Variants in DPP10 observed in about 807,000 individuals in gnomAD.
DPP10 encodes inactive dipeptidyl peptidase 10.
A neutral mutation model predicts 120.9 loss-of-function variants in DPP10; 33 were observed. That is an observed-to-expected ratio of 0.27 (90% CI 0.21 to 0.37). The LOEUF is 0.37. DPP10 is among the 10% of genes least tolerant of loss of function. DPP10 has a pLI of 1.00. For synonymous variants in DPP10, 337 were observed against 326.1 expected, an observed-to-expected ratio of 1.03 and a Z score of -0.36; for missense variants, 816 against 942.8, an observed-to-expected ratio of 0.87 and a Z score of 1.76.
At chr2:115,166,647 A>G (rs1573863105) in intron 1 of DPP10, among the ~76,000 whole-genome samples, 1 of 142,700 alleles carries the variant, frequency 7.0e-6, no homozygotes. Flanking sequence ...ATCTTCTAAT[A>G]TATCTATATA....
chr2:114,920,087 G>A (rs185529735), intron 1 of DPP10, among the ~76,000 whole-genome samples: 1 of 152,128 alleles, frequency 6.6e-6, no homozygotes, highest in East Asian at 1.9e-4. Flanking sequence ...CCACATTCAG[G>A]GAGTTTTGAG....
At chr2:115,226,390 C>T (rs151174245) in intron 1 of DPP10, among the ~76,000 whole-genome samples, 44 of 152,208 alleles carry the variant, frequency 2.9e-4, no homozygotes, top group Non-Finnish European at 4.3e-4. Context: ...GAAAAAGAAG[C>T]GATAAGATCT....
chr2:115,382,613 A>G (rs891206811), intron 3 of DPP10, among the ~76,000 whole-genome samples: 4 of 152,106 alleles, frequency 2.6e-5, no homozygotes, highest in Non-Finnish European at 2.9e-5. Flanking sequence ...TGTCTAGCTA[A>G]GAAAATAGGT....
intron 1 of DPP10, among the ~76,000 whole-genome samples, chr2:115,022,748 C>G (rs905505276): frequency 6.6e-6 from 1 of 152,134 alleles, no homozygotes; most frequent in East Asian, 1.9e-4. Flanking sequence ...TGACTTCAAA[C>G]TATACTATAA....
chr2:115,550,047 C>A (rs2079779304), intron 5 of DPP10, among the ~76,000 whole-genome samples: 1 of 152,056 alleles, frequency 6.6e-6, no homozygotes. Context: ...GAATTAATTC[C>A]ACTCAAATCA....
At chr2:115,586,327 G>A (rs1041541946) in intron 5 of DPP10, among the ~76,000 whole-genome samples, 6 of 151,892 alleles carry the variant, frequency 4.0e-5, no homozygotes, top group South Asian at 2.1e-4. Flanking sequence ...ACTCTATCTC[G>A]ATAATAATAA....
Position 115,481,922 on chromosome 2 carries a change from A to G in DPP10, c.272-17588A>G, listed in dbSNP as rs190294235. On this transcript the variant is annotated intron_variant, in intron 3 of 25. Coordinates refer to ENST00000410059, the MANE Select transcript of DPP10 (RefSeq NM_020868.6). The stretch of plus-strand genomic sequence containing the variant: ...TAGAGGTAAGGATGAGAATATTCAA[A>G]TTAAATGAGAAGGATTACACATAGC... 3.5e-3 allele frequency among the ~76,000 whole-genome samples: 530 copies of G among 152,248 alleles called. 2 individuals carry two copies. Among genetic ancestry groups the G allele is most frequent in the Admixed American group, 7.9e-3 (121 of 15,268 alleles).
intron 5 of DPP10, among the ~76,000 whole-genome samples, chr2:115,565,768 T>TG (rs796152306): frequency 8.3e-4 from 61 of 73,810 alleles, no homozygotes; most frequent in African/African-American, 1.5e-3. Flanking sequence ...TTGTTTGTTT[T>TG]GTTTTTTTTT....
chr2:114,728,407 A>G (rs1676557918), intron 1 of DPP10, among the ~76,000 whole-genome samples: 2 of 152,170 alleles, frequency 1.3e-5, no homozygotes, highest in Admixed American at 6.5e-5. Context: ...ACCCTGGGAA[A>G]CTGACATTAT....
intron 5 of DPP10, among the ~76,000 whole-genome samples, chr2:115,552,021 T>C (rs2079906514): frequency 6.6e-6 from 1 of 152,130 alleles, no homozygotes; most frequent in African/African-American, 2.4e-5. Context: ...GTAAGTTGGC[T>C]ACCATAGTTC....
intron 1 of DPP10, among the ~76,000 whole-genome samples, chr2:114,843,313 G>A (rs1452212518): frequency 6.6e-6 from 1 of 152,058 alleles, no homozygotes; most frequent in African/African-American, 2.4e-5. Flanking sequence ...TTCTACCAGT[G>A]GTCCCCTGAA....
intron 1 of DPP10, among the ~76,000 whole-genome samples, chr2:115,005,534 A>G (rs2105039000): frequency 6.6e-6 from 1 of 152,004 alleles, no homozygotes; most frequent in East Asian, 1.9e-4. Context: ...GAGCTGATGG[A>G]GCTGAAAACC....
intron 1 of DPP10, among the ~76,000 whole-genome samples, chr2:114,950,237 C>T (rs1558912559): frequency 6.7e-6 from 1 of 148,468 alleles, no homozygotes; most frequent in Non-Finnish European, 1.5e-5. Context: ...TCATTAATGT[C>T]AAATTGCCAA....
chr2:115,607,763 A>C (rs2083795997), intron 5 of DPP10, among the ~76,000 whole-genome samples: 1 of 152,122 alleles, frequency 6.6e-6, no homozygotes, highest in African/African-American at 2.4e-5. Context: ...TTGGTGTCTT[A>C]TATATAGTAT....
intron 2 of DPP10, among the ~76,000 whole-genome samples, chr2:115,310,751 G>C (rs902063388): frequency 6.6e-6 from 1 of 152,224 alleles, no homozygotes; most frequent in East Asian, 1.9e-4. Flanking sequence ...TTTCAGCATG[G>C]TGTTTCACTT....
intron 9 of DPP10, among the ~76,000 whole-genome samples, chr2:115,740,742 G>A (rs948282065): frequency 1.3e-5 from 2 of 152,018 alleles, no homozygotes; most frequent in South Asian, 2.1e-4. Context: ...TTAATTGCTC[G>A]AGATCTCTTT....
chr2:114,829,848 C>T (rs1241936595), intron 1 of DPP10, among the ~76,000 whole-genome samples: 1 of 152,152 alleles, frequency 6.6e-6, no homozygotes, highest in East Asian at 1.9e-4. Flanking sequence ...CGTCACTATG[C>T]GTTTCCTTAA....
intron 1 of DPP10, among the ~76,000 whole-genome samples, chr2:114,972,009 G>A (rs1340143981): frequency 6.6e-6 from 1 of 152,134 alleles, no homozygotes; most frequent in Admixed American, 6.5e-5. Context: ...TTAGAAACAA[G>A]TTAGACTATT....
chr2:114,659,890 G>C (rs1181689884), intron 1 of DPP10, among the ~76,000 whole-genome samples: 1 of 152,144 alleles, frequency 6.6e-6, no homozygotes, highest in Non-Finnish European at 1.5e-5. Context: ...GCAGCTACCA[G>C]CCACGTAATA....
Sources: allele counts gnomAD v4.1 joint callset (sites outside exome capture counted in the v4.1 genomes callset), GRCh38; gene constraint gnomAD v4.1.1; transcripts MANE v1.5; gene names NCBI Gene and HGNC (gene_info 2026-07-23, HGNC 2026-07-21).